Variants in ARRB1 observed in about 807,000 individuals in gnomAD.
ARRB1 encodes the protein beta-arrestin-1.
In ARRB1, 21 loss-of-function variants were observed where a neutral mutation model predicts 56.8. That is an observed-to-expected ratio of 0.37 (90% CI 0.26 to 0.53). The LOEUF (loss-of-function observed/expected upper bound fraction) is 0.53, where lower values mean the gene tolerates loss of function less well. Ranked by LOEUF, ARRB1 falls within the 20% of genes least tolerant of loss-of-function variation. The pLI is 0.88. For missense variants in ARRB1, 424 were observed against 553.7 expected, an observed-to-expected ratio of 0.77 and a Z score of 2.35; for synonymous variants, 210 against 218.6, an observed-to-expected ratio of 0.96 and a Z score of 0.35.
intron 1 of ARRB1, among the ~76,000 whole-genome samples, chr11:75,341,087 A>G (rs187332931): frequency 2.4e-3 from 359 of 151,876 alleles, no homozygotes; most frequent in Middle Eastern, 0.01. Flanking sequence ...GGAAGGGGAC[A>G]TGGGAGAGGG....
chr11:75,341,762 T>G (rs982579633), intron 1 of ARRB1, among the ~76,000 whole-genome samples: 17 of 152,204 alleles, frequency 1.1e-4, no homozygotes, highest in Admixed American at 1.1e-3. Context: ...GAGGACTAGT[T>G]TGGGAACCAC....
chr11:75,348,847 T>C (rs1278326696), intron 1 of ARRB1, among the ~76,000 whole-genome samples: 1 of 152,062 alleles, frequency 6.6e-6, no homozygotes, highest in African/African-American at 2.4e-5. Flanking sequence ...ATCTCAGCCT[T>C]CCAAAGTTCT....
intron 14 of ARRB1, among the ~76,000 whole-genome samples, chr11:75,267,957 T>C (rs1009987495): frequency 4.6e-5 from 7 of 152,166 alleles, no homozygotes; most frequent in African/African-American, 1.7e-4. Flanking sequence ...CCTCTAAACT[T>C]CTGTTTCTTT....
chr11:75,274,313 C>G, intron 10 of ARRB1, 102 bp from the exon 11 acceptor site: 1 of 1,509,244 alleles, frequency 6.6e-7, no homozygotes, highest in Non-Finnish European at 9.0e-7. Context: ...TGCTCCAAGT[C>G]TCCCTCTCCC....
At chr11:75,315,437 GC>G (rs1947249645) in intron 1 of ARRB1, among the ~76,000 whole-genome samples, 1 of 152,050 alleles carries the variant, frequency 6.6e-6, no homozygotes, top group African/African-American at 2.4e-5. Flanking sequence ...CACAGAAACT[GC>G]GTGGGTAACA....
chr11:75,295,564 A>G (rs1391678243), intron 1 of ARRB1, among the ~76,000 whole-genome samples: 2 of 152,152 alleles, frequency 1.3e-5, no homozygotes, highest in Admixed American at 6.5e-5. Context: ...ATCCAGAACA[A>G]TCTCCCTATT....
At chr11:75,340,543 G>C (rs1412170468) in intron 1 of ARRB1, among the ~76,000 whole-genome samples, 1 of 152,232 alleles carries the variant, frequency 6.6e-6, no homozygotes, top group East Asian at 1.9e-4. Flanking sequence ...CCAGCACTAC[G>C]AGGAGAGGCT....
chr11:75,336,616 T>G (rs897601953), intron 1 of ARRB1, among the ~76,000 whole-genome samples: 2 of 152,206 alleles, frequency 1.3e-5, no homozygotes, highest in African/African-American at 4.8e-5. Flanking sequence ...GATGCGAGAC[T>G]GAGACTGTCC....
intron 1 of ARRB1, among the ~76,000 whole-genome samples, chr11:75,290,250 C>A (rs550161342): frequency 8.5e-5 from 13 of 152,222 alleles, no homozygotes; most frequent in Admixed American, 6.5e-4. Context: ...TCCTGGGCTA[C>A]GCAACAGCCG....
At chr11:75,325,215 T>C (rs1947411982) in intron 1 of ARRB1, among the ~76,000 whole-genome samples, 1 of 152,108 alleles carries the variant, frequency 6.6e-6, no homozygotes, top group Non-Finnish European at 1.5e-5. Flanking sequence ...GAGGTCAGAC[T>C]GAGCCTGAAT....
Position 75,290,074 on chromosome 11 carries a change from C to A in ARRB1, c.21-35G>T, listed in dbSNP as rs374327011. On this transcript the variant is annotated intron_variant, in intron 1 of 15. Transcript: ENST00000420843. ...GAAAGAGAGGTCAGGCCAGGGTTCG[C>A]GTATCCTGCCCAGGGGCAAGCTCCT... 2.8e-5 allele frequency: 45 copies of A among 1,613,750 alleles called. No homozygotes were observed. The South Asian group carries it at 4.5e-4, about 16-fold the overall frequency.
intron 1 of ARRB1, among the ~76,000 whole-genome samples, chr11:75,338,644 G>A (rs770348525): frequency 6.6e-6 from 1 of 152,200 alleles, no homozygotes; most frequent in Non-Finnish European, 1.5e-5. Context: ...GAACATCAGA[G>A]GTGGCTGAAT....
At chr11:75,285,322 G>A (rs1189779223) in intron 3 of ARRB1, among the ~76,000 whole-genome samples, 1 of 152,240 alleles carries the variant, frequency 6.6e-6, no homozygotes. Context: ...CTGCCCTTGG[G>A]GGCAGAGTCC....
chr11:75,293,564 A>C (rs1946657205), intron 1 of ARRB1, among the ~76,000 whole-genome samples: 1 of 152,190 alleles, frequency 6.6e-6, no homozygotes, highest in Non-Finnish European at 1.5e-5. Flanking sequence ...CCAGGATGCC[A>C]GAGGCAGGGT....
intron 1 of ARRB1, among the ~76,000 whole-genome samples, chr11:75,297,241 A>G (rs1183770065): frequency 6.6e-6 from 1 of 151,586 alleles, no homozygotes; most frequent in African/African-American, 2.4e-5. Flanking sequence ...AGGAAATGCC[A>G]GGGATCCAGA....
chr11:75,262,617 G>C lies in ARRB1; in HGVS notation c.*3546C>G, dbSNP rs569540565. Among the ~76,000 whole-genome samples, 1 of 152,174 alleles carries C rather than the reference G, an allele frequency of 6.6e-6. No individual in the cohort carries two copies. Among genetic ancestry groups the C allele is most frequent in the East Asian group, 1.9e-4 (1 of 5,186 alleles). On this transcript the variant is annotated 3_prime_UTR_variant, in exon 16 of 16. Transcript: ENST00000420843. ...ATTTTCAACTTACAGAGCCCTGACCGCTGACTTTCATCTCATCTGGGCCTC... is the reference window on the plus strand; with the variant it reads ...ATTTTCAACTTACAGAGCCCTGACCCCTGACTTTCATCTCATCTGGGCCTC...
At chr11:75,301,791 G>A (rs1029993445) in intron 1 of ARRB1, among the ~76,000 whole-genome samples, 5 of 152,020 alleles carry the variant, frequency 3.3e-5, no homozygotes, top group African/African-American at 9.7e-5. Context: ...GTACCGGCTC[G>A]TCTGCTCTGC....
intron 1 of ARRB1, among the ~76,000 whole-genome samples, chr11:75,318,465 G>A (rs1041157247): frequency 3.3e-5 from 5 of 152,168 alleles, no homozygotes; most frequent in Non-Finnish European, 4.4e-5. Flanking sequence ...CGAGGTGGGC[G>A]GGGCACCTGA....
At chr11:75,299,259 AAGAC>A (rs1462729144) in intron 1 of ARRB1, among the ~76,000 whole-genome samples, 1 of 151,942 alleles carries the variant, frequency 6.6e-6, no homozygotes, top group Admixed American at 6.6e-5. Context: ...CAACTAAAAA[AAGAC>A]AGAGAGAATG....
Sources: allele counts gnomAD v4.1 joint callset (sites outside exome capture counted in the v4.1 genomes callset), GRCh38; gene constraint gnomAD v4.1.1; transcripts MANE v1.5; gene names NCBI Gene and HGNC (gene_info 2026-07-23, HGNC 2026-07-21).